Variants in PPM1B observed in about 807,000 individuals in gnomAD.
PPM1B encodes protein phosphatase 1B.
Under a neutral mutation model 43.0 loss-of-function variants are expected in PPM1B, and 22 were observed. The ratio of observed to expected loss-of-function variants is 0.51; its 90% CI spans 0.37 to 0.73. The LOEUF (loss-of-function observed/expected upper bound fraction) is 0.73. Among genes scored for constraint, PPM1B ranks in the 30% least tolerant of loss-of-function variants. The pLI, the probability that PPM1B is intolerant of heterozygous loss-of-function variation, is 0.00. For synonymous variants in PPM1B, 217 were observed against 197.9 expected, an observed-to-expected ratio of 1.10 and a Z score of -0.81; for missense variants, 632 against 584.2, an observed-to-expected ratio of 1.08 and a Z score of -0.84.
intron 1 of PPM1B, among the ~76,000 whole-genome samples, chr2:44,169,708 A>G (rs371745259): frequency 1.3e-5 from 2 of 151,974 alleles, no homozygotes; most frequent in Admixed American, 6.5e-5. Flanking sequence ...CTTCTGCCCT[A>G]CTCTGCGCTC....
At chr2:44,221,909 G>T (rs974295411) in intron 5 of PPM1B, among the ~76,000 whole-genome samples, 1 of 151,980 alleles carries the variant, frequency 6.6e-6, no homozygotes, top group Non-Finnish European at 1.5e-5. Flanking sequence ...TTTAGTATGT[G>T]TTCCATACTA....
At chr2:44,227,818 C>T (rs985378692) in intron 5 of PPM1B, among the ~76,000 whole-genome samples, 2 of 151,940 alleles carry the variant, frequency 1.3e-5, no homozygotes, top group African/African-American at 4.8e-5. Flanking sequence ...CTGTGCCCGG[C>T]CCAGTATCAT....
At chr2:44,229,982 T>A in intron 5 of PPM1B, 1 of 1,573,006 alleles carries the variant, frequency 6.4e-7, no homozygotes, top group Non-Finnish European at 8.7e-7. Context: ...TTGTATTTCC[T>A]ACTTATTTAG....
intron 1 of PPM1B, among the ~76,000 whole-genome samples, chr2:44,182,410 C>T (rs536605510): frequency 6.6e-6 from 1 of 152,116 alleles, no homozygotes; most frequent in African/African-American, 2.4e-5. Context: ...CAGGCATGCA[C>T]CACCATGCCT....
intron 2 of PPM1B, among the ~76,000 whole-genome samples, chr2:44,207,000 G>T (rs1359629368): frequency 6.6e-6 from 1 of 152,140 alleles, no homozygotes; most frequent in East Asian, 1.9e-4. Context: ...GTTTTGGTGG[G>T]TTTCATTAAG....
At position 44,177,825 on chromosome 2, in the gene PPM1B, A is replaced by G. The variant is rs547952658; in HGVS notation, c.-15+8551A>G. 3.5e-4 allele frequency among the ~76,000 whole-genome samples: 49 copies of G among 141,976 alleles called. 1 individual carries two copies. The South Asian group carries it at 0.011, about 31-fold the overall frequency. The allele number at this position is 141,976 out of a possible 152,430, so 93.1% of individuals were successfully genotyped here. ...TTACAATTTGTTCTTGTCACTTAAT[A>G]TTTTTGCAGTTCTTTTTTTGTTCTA... On this transcript the variant is annotated intron_variant, in intron 1 of 5. Transcript: ENST00000282412.
At chr2:44,240,607 A>G (rs1186229416) in intron 5 of PPM1B, among the ~76,000 whole-genome samples, 1 of 146,358 alleles carries the variant, frequency 6.8e-6, no homozygotes, top group Non-Finnish European at 1.5e-5. Context: ...ATTACTTGCC[A>G]TTCCTTAAAT....
At chr2:44,188,393 C>CA (rs1668229749) in intron 1 of PPM1B, among the ~76,000 whole-genome samples, 1 of 92,316 alleles carries the variant, frequency 1.1e-5, no homozygotes, top group Non-Finnish European at 2.1e-5. Context: ...TTCTTTCTTT[C>CA]TTTTTTTTTT....
chr2:44,205,293 TAAC>T (rs1669124692), intron 2 of PPM1B, among the ~76,000 whole-genome samples: 1 of 148,986 alleles, frequency 6.7e-6, no homozygotes, highest in African/African-American at 2.5e-5. Context: ...GTATTTTTGT[TAAC>T]AATATTTCCC....
intron 1 of PPM1B, among the ~76,000 whole-genome samples, chr2:44,199,129 G>T (rs554623973): frequency 6.6e-6 from 1 of 151,884 alleles, no homozygotes; most frequent in South Asian, 2.1e-4. Flanking sequence ...ATGGTGGCGC[G>T]TGCCTGTAAC....
downstream of PPM1B, among the ~76,000 whole-genome samples, chr2:44,244,903 T>C (rs1357716242): frequency 6.6e-6 from 1 of 150,872 alleles, no homozygotes; most frequent in African/African-American, 2.4e-5. Flanking sequence ...CATATACACA[T>C]GTATTTTTAG....
chr2:44,241,550 G>A (rs573666190), intron 5 of PPM1B, among the ~76,000 whole-genome samples: 2 of 142,670 alleles, frequency 1.4e-5, no homozygotes, highest in South Asian at 2.5e-4. Context: ...TGGCCAGCAT[G>A]GTGAAACCCC....
At chr2:44,223,091 C>T (rs1670048627) in intron 5 of PPM1B, among the ~76,000 whole-genome samples, 1 of 152,174 alleles carries the variant, frequency 6.6e-6, no homozygotes, top group Non-Finnish European at 1.5e-5. Context: ...CTCAGCCTCC[C>T]AAAGTTCTGG....
At chr2:44,178,974 G>T (rs1667727232) in intron 1 of PPM1B, among the ~76,000 whole-genome samples, 2 of 152,202 alleles carry the variant, frequency 1.3e-5, no homozygotes, top group Admixed American at 1.3e-4. Context: ...AATATTAAAT[G>T]GTGTGATTGG....
rs1425311369 is a variant in PPM1B at position 44,218,537 on chromosome 2, G to A, written c.1134G>A (p.Gly378=). ...TGAATCCACATAGAGAAAGTGATGG[G>A]GTAAGTTTTATTTTATTTCATAAGC... ...SRLNPHRESD[G]ASDEAEESGS... Residue 378 remains glycine (G), a splice_region_variant and synonymous_variant, in exon 5 of 6, where the codon GGG becomes GGA. Transcript: ENST00000282412. The A allele has an allele frequency of 3.8e-6, 6 of 1,571,912 alleles. No homozygotes were observed. The African/African-American group carries it at 4.1e-5, about 11-fold the overall frequency.
downstream of PPM1B, chr2:44,234,590 G>C (rs576442208): frequency 1.0e-6 from 1 of 983,480 alleles, no homozygotes; most frequent in East Asian, 1.1e-4. Context: ...GCTTGAAACA[G>C]AAATAATGTA....
At chr2:44,244,184 A>G in intron 5 of PPM1B, 1 of 968,620 alleles carries the variant, frequency 1.0e-6, no homozygotes, top group Non-Finnish European at 1.3e-6. Context: ...GAAAAAAAAA[A>G]ACCATATATA....
At chr2:44,232,599 G>A (rs975627497), downstream of PPM1B, 23 of 1,285,658 alleles carry the variant, frequency 1.8e-5, no homozygotes, top group African/African-American at 1.4e-4. Context: ...TTGAACTTTC[G>A]GCCCTAGAAA....
intron 1 of PPM1B, among the ~76,000 whole-genome samples, chr2:44,175,808 C>T (rs1345929662): frequency 3.7e-5 from 5 of 135,958 alleles, no homozygotes; most frequent in Admixed American, 3.0e-4. Context: ...TTTTTTGAGA[C>T]GGAGTCTCAC....
Sources: gnomAD v4.1 joint callset for allele counts (sites outside exome capture counted in the v4.1 genomes callset) on GRCh38, gnomAD v4.1.1 for gene constraint, MANE v1.5 for transcripts, NCBI Gene and HGNC (gene_info 2026-07-23, HGNC 2026-07-21) for gene names.